LCP2: variants seen among roughly 807,000 people sequenced by gnomAD.
The protein encoded by LCP2 is 76 kDa tyrosine phosphoprotein.
LCP2 carries 29 observed loss-of-function variants against 74.5 expected under a neutral mutation model. That is an observed-to-expected ratio of 0.39 (90% CI 0.29 to 0.53). The LOEUF (loss-of-function observed/expected upper bound fraction) is 0.53. Ranked by LOEUF, LCP2 falls within the 20% of genes least tolerant of loss-of-function variation. The pLI, the probability that LCP2 is intolerant of heterozygous loss-of-function variation, is 0.72. For missense variants in LCP2, 604 were observed against 634.6 expected, an observed-to-expected ratio of 0.95 and a Z score of 0.52; for synonymous variants, 228 against 229.5, an observed-to-expected ratio of 0.99 and a Z score of 0.06.
intron 7 of LCP2, chr5:170,270,421 G>A (rs1176497740): frequency 1.5e-5 from 5 of 330,838 alleles, no homozygotes; most frequent in African/African-American, 8.6e-5. Flanking sequence ...ATAGCCTTAG[G>A]TGGTAGTTCA....
chr5:170,285,858 C>T (rs1439257635), intron 3 of LCP2, among the ~76,000 whole-genome samples: 5 of 152,178 alleles, frequency 3.3e-5, no homozygotes, highest in South Asian at 2.1e-4. Flanking sequence ...CTCTGACACC[C>T]GTTGAATGAA....
At chr5:170,266,619 G>A (rs1468941939) in intron 10 of LCP2, among the ~76,000 whole-genome samples, 189 bp downstream of exon 10, 1 of 152,224 alleles carries the variant, frequency 6.6e-6, no homozygotes, top group Admixed American at 6.5e-5. Flanking sequence ...CTTGGTAGCT[G>A]TGTGATCTTG....
intron 20 of LCP2, among the ~76,000 whole-genome samples, chr5:170,250,016 T>C (rs1292872759): frequency 6.6e-6 from 1 of 152,230 alleles, no homozygotes; most frequent in Non-Finnish European, 1.5e-5. Flanking sequence ...TTTCTATTCA[T>C]TAACATTATC....
chr5:170,253,542 C>T (rs891300406), intron 17 of LCP2, among the ~76,000 whole-genome samples: 13 of 152,130 alleles, frequency 8.5e-5, no homozygotes, highest in South Asian at 4.1e-4. Flanking sequence ...TGAATGTGAA[C>T]GTCAAAATGA....
At chr5:170,292,377 A>T (rs1762308260) in intron 2 of LCP2, among the ~76,000 whole-genome samples, 1 of 152,126 alleles carries the variant, frequency 6.6e-6, no homozygotes, top group Non-Finnish European at 1.5e-5. Flanking sequence ...GCTCACCATC[A>T]CTGAAGGAAT....
At chr5:170,265,861 T>C (rs1466506544) in intron 10 of LCP2, among the ~76,000 whole-genome samples, 1 of 152,218 alleles carries the variant, frequency 6.6e-6, no homozygotes, top group African/African-American at 2.4e-5. Context: ...GCAGAGTTCC[T>C]TCCTCAGACT....
At chr5:170,289,203 A>G (rs950887963) in intron 2 of LCP2, among the ~76,000 whole-genome samples, 4 of 152,202 alleles carry the variant, frequency 2.6e-5, no homozygotes, top group African/African-American at 9.7e-5. Context: ...TGATGTATGT[A>G]ATGTGTTTTG....
chr5:170,289,685 CTT>C (rs72443072), intron 2 of LCP2, among the ~76,000 whole-genome samples: 19,617 of 126,662 alleles, frequency 0.15, 1,613 homozygotes, highest in Non-Finnish European at 0.21. Context: ...CTCTCTCTCT[CTT>C]TCTTTCTTTC....
intron 10 of LCP2, among the ~76,000 whole-genome samples, chr5:170,265,649 G>C (rs1201771443): frequency 6.6e-6 from 1 of 152,188 alleles, no homozygotes; most frequent in African/African-American, 2.4e-5. Context: ...AAACCAGCCA[G>C]CACAGCTTTG....
intron 19 of LCP2, 29 bp from the exon 20 acceptor site, chr5:170,250,914 G>T: frequency 6.2e-7 from 1 of 1,601,604 alleles, no homozygotes; most frequent in South Asian, 1.1e-5. Context: ...GTTATTATGG[G>T]AGCAGTAAAA....
chr5:170,263,022 G>A (rs766461164), intron 10 of LCP2, 30 bp from the exon 11 acceptor site: 59 of 1,612,452 alleles, frequency 3.7e-5, no homozygotes, highest in Admixed American at 5.0e-5. Flanking sequence ...GATGGGCCAT[G>A]AGTTCAGAAC....
At chr5:170,290,468 G>T (rs1762269830) in intron 2 of LCP2, among the ~76,000 whole-genome samples, 1 of 152,182 alleles carries the variant, frequency 6.6e-6, no homozygotes, top group African/African-American at 2.4e-5. Context: ...TATAACCAAA[G>T]TCTGCTGGAT....
chr5:170,261,137 C>A lies in LCP2; in HGVS notation c.927G>T (p.Lys309Asn). 1 of 1,602,482 alleles carries A rather than the reference C, an allele frequency of 6.2e-7. No homozygotes were observed. The change falls in exon 14 of 21, where the codon AAG (lysine) becomes AAT (asparagine). Residue 309 changes from lysine (K) to asparagine (N), a missense_variant and splice_region_variant. Physicochemically the swap from Lys to Asn is moderately conservative, Grantham distance 94. Coordinates refer to ENST00000046794, the MANE Select transcript of LCP2 (RefSeq NM_005565.5). ...PLPGKKPPVPKHGWGPDRREN... is the reference protein window; with the variant it reads ...PLPGKKPPVPNHGWGPDRREN... ...CTCTTCTGTCTGGTCCCCATCCATG[C>A]CTGAAATGAATTAGGGCAAATAAAA...
At chr5:170,281,310 T>G (rs534894218) in intron 3 of LCP2, among the ~76,000 whole-genome samples, 2 of 151,936 alleles carry the variant, frequency 1.3e-5, no homozygotes, top group East Asian at 3.9e-4. Flanking sequence ...GACGGAGTCT[T>G]GCTCTGTCCC....
intron 13 of LCP2, among the ~76,000 whole-genome samples, chr5:170,262,282 G>A (rs538827229): frequency 1.3e-5 from 2 of 152,318 alleles, no homozygotes; most frequent in South Asian, 4.1e-4. Context: ...TCTGCTACCT[G>A]TATTGAAAAA....
chr5:170,263,582 C>G (rs1761700005), intron 10 of LCP2, among the ~76,000 whole-genome samples: 1 of 152,156 alleles, frequency 6.6e-6, no homozygotes, highest in South Asian at 2.1e-4. Context: ...TGCTTTTCTT[C>G]TAGAACGGAT....
intron 6 of LCP2, among the ~76,000 whole-genome samples, chr5:170,271,347 T>C (rs1160852531): frequency 1.3e-5 from 2 of 152,120 alleles, no homozygotes; most frequent in Admixed American, 1.3e-4. Flanking sequence ...GCTCAAAAAA[T>C]GTCCTCTCAT....
At chr5:170,282,699 A>G (rs1762124754) in intron 3 of LCP2, among the ~76,000 whole-genome samples, 1 of 152,032 alleles carries the variant, frequency 6.6e-6, no homozygotes, top group Non-Finnish European at 1.5e-5. Context: ...ATTTCCCCTA[A>G]TTTTCCCATT....
Position 170,252,490 on chromosome 5 carries a change from A to G in LCP2, c.1267T>C (p.Tyr423His). The G allele has an allele frequency of 1.3e-6, 2 of 1,568,414 alleles. No homozygotes were observed. The highest frequency in any genetic ancestry group is 1.7e-6 in the Non-Finnish European group (2 of 1,143,514). Residue 423 changes from tyrosine (Y) to histidine (H), a missense_variant, in exon 19 of 21, where the codon TAC becomes CAC. Coordinates refer to ENST00000046794, the MANE Select transcript of LCP2 (RefSeq NM_005565.5). ...TCTGGTCGGGTAATATAAGAAACGTACCACTCTTCATTTAATGAATTCTGA... is the reference window on the plus strand; with the variant it reads ...TCTGGTCGGGTAATATAAGAAACGTGCCACTCTTCATTTAATGAATTCTGA... ...EEENSLNEEW[Y>H]VSYITRPEAE...
Sources: gnomAD v4.1 joint callset for allele counts (sites outside exome capture counted in the v4.1 genomes callset) on GRCh38, gnomAD v4.1.1 for gene constraint, MANE v1.5 for transcripts, NCBI Gene and HGNC (gene_info 2026-07-23, HGNC 2026-07-21) for gene names.